SUMO3: variants seen among roughly 807,000 people sequenced by gnomAD.
SUMO3 encodes small ubiquitin-related modifier 3.
A neutral mutation model predicts 11.1 loss-of-function variants in SUMO3; 2 were observed. The ratio of observed to expected loss-of-function variants is 0.18; its 90% confidence interval spans 0.07 to 0.57. SUMO3 has a LOEUF of 0.57. Ranked by LOEUF, SUMO3 falls within the 20% of genes least tolerant of loss-of-function variation. The pLI is 0.92. For synonymous variants in SUMO3, 56 were observed against 53.5 expected (o/e 1.05, Z -0.20); for missense variants, 70 against 132.8 (o/e 0.53, Z 2.32).
At chr21:44,817,006 A>G in intron 1 of SUMO3, among the ~76,000 whole-genome samples, 1 of 100,680 alleles carries the variant, frequency 9.9e-6, no homozygotes, top group Admixed American at 1.1e-4. Context: ...GTGGGCGCAC[A>G]CTGGGGGACG....
At chr21:44,816,858 T>C (rs1474397771) in intron 1 of SUMO3, among the ~76,000 whole-genome samples, 2 of 22,284 alleles carry the variant, frequency 9.0e-5, no homozygotes, top group Non-Finnish European at 8.7e-5. Flanking sequence ...GCGCACACCG[T>C]GGGGCGTGAT....
intron 1 of SUMO3, among the ~76,000 whole-genome samples, chr21:44,817,581 G>A (rs2083253742): frequency 6.6e-6 from 1 of 151,928 alleles, no homozygotes; most frequent in Admixed American, 6.5e-5. Flanking sequence ...AGCACGCAAA[G>A]ACGCTTCGGG....
chr21:44,808,611 C>T, intron 3 of SUMO3: 1 of 1,367,900 alleles, frequency 7.3e-7, no homozygotes, highest in Non-Finnish European at 9.5e-7. Flanking sequence ...CTGCATGTGC[C>T]TGAGAGAAAC....
At position 44,807,073 on chromosome 21, in the gene SUMO3, G is replaced by A; in HGVS notation, c.223-33C>T. 6.2e-7 allele frequency: 1 copy of A among 1,610,064 alleles called. No individual in the cohort carries two copies. The highest frequency in any genetic ancestry group is 8.5e-7 in the Non-Finnish European group (1 of 1,177,636). On this transcript the variant is annotated intron_variant, in intron 3 of 3. Transcript: ENST00000332859. The surrounding 1 kb of genome is among the most constrained non-coding windows in gnomAD (Gnocchi z 4.3). ...GGTTGTCACAACAGGCACAGCGAGA[G>A]AGAGGGGAGCCTGTTAGTTTTCATC...
chr21:44,808,499 AG>A, intron 3 of SUMO3: 1 of 1,447,614 alleles, frequency 6.9e-7, no homozygotes, highest in Middle Eastern at 1.8e-4. Context: ...TGGGCAACAA[AG>A]CGAGACTCCG....
chr21:44,813,832 C>A (rs1487331937), intron 2 of SUMO3, 144 bp downstream of exon 2: 1 of 1,540,660 alleles, frequency 6.5e-7, no homozygotes, highest in South Asian at 1.2e-5. Flanking sequence ...ACAGCACAAG[C>A]CCCCGCCTGC....
chr21:44,810,070 A>G lies in SUMO3; in HGVS notation c.151-952T>C, dbSNP rs1248796219. ...GGCCTTGAGGAGGGCAGCAGGAAGG[A>G]GAGCACGCAGCCTTTCTGCGTCCTG... On this transcript the variant is annotated intron_variant, in intron 2 of 3. Coordinates refer to ENST00000332859, the MANE Select transcript of SUMO3 (RefSeq NM_006936.3). This position sits in a 1 kb window ranked among gnomAD's most constrained non-coding sequence, Gnocchi z 4.1. Among the ~76,000 whole-genome samples the G allele has an allele frequency of 6.6e-6, 1 of 152,208 alleles. No homozygotes were observed. Among genetic ancestry groups the G allele is most frequent in the Non-Finnish European group, 1.5e-5 (1 of 68,034 alleles).
rs912643381 is a variant in SUMO3, at chr21:44,810,630, C to T, written c.151-1512G>A. 4.9e-4 allele frequency among the ~76,000 whole-genome samples: 75 copies of T among 152,192 alleles called. 1 individual carries two copies. The highest frequency in any genetic ancestry group is 1.8e-3 in the African/African-American group (73 of 41,440). On this transcript the variant is annotated intron_variant, in intron 2 of 3. Coordinates refer to ENST00000332859, the MANE Select transcript of SUMO3 (RefSeq NM_006936.3). This position sits in a 1 kb window ranked among gnomAD's most constrained non-coding sequence, Gnocchi z 4.1. ...CCAGATGCGCCTCCAGGAGGCTGGC[C>T]GGAGCCTGGAGGACTCAACTCTCAA...
At chr21:44,812,053 C>CCTTT (rs755885948) in intron 2 of SUMO3, among the ~76,000 whole-genome samples, 4,893 of 81,186 alleles carry the variant, frequency 0.06, 189 homozygotes, top group South Asian at 0.086. Flanking sequence ...AACTTCTCAC[C>CCTTT]TTTTTTTTTT....
intron 2 of SUMO3, among the ~76,000 whole-genome samples, chr21:44,809,736 G>A (rs1354330104): frequency 6.6e-6 from 1 of 152,218 alleles, no homozygotes; most frequent in African/African-American, 2.4e-5. Context: ...CATTGGTGAT[G>A]TGCCAGGGGA....
intron 2 of SUMO3, among the ~76,000 whole-genome samples, chr21:44,812,651 G>A (rs1450671063): frequency 6.6e-6 from 1 of 152,224 alleles, no homozygotes; most frequent in Non-Finnish European, 1.5e-5. Context: ...CAAGTTTCTA[G>A]AAGGATTTGA....
intron 1 of SUMO3, among the ~76,000 whole-genome samples, chr21:44,815,435 C>T (rs570204425): frequency 6.6e-6 from 1 of 152,320 alleles, no homozygotes; most frequent in South Asian, 2.1e-4. Context: ...TTGGGCCAGA[C>T]ACCCCTGCCC....
In SUMO3 at chr21:44,812,921, T is replaced by C. The variant is rs148881367; in HGVS notation, c.150+1055A>G. 9.2e-4 allele frequency among the ~76,000 whole-genome samples: 140 copies of C among 152,350 alleles called. 1 individual carries two copies. In the East Asian group the frequency reaches 0.022, roughly 24 times the overall value. On this transcript the variant is annotated intron_variant, in intron 2 of 3. Coordinates refer to ENST00000332859, the MANE Select transcript of SUMO3 (RefSeq NM_006936.3). ...CAGGCAGAGGCTGGATCACGGGGCC[T>C]ACACGGCGCCAGGCCACTCACTCTG...
intron 2 of SUMO3, chr21:44,813,761 C>A: frequency 6.9e-7 from 1 of 1,444,866 alleles, no homozygotes; most frequent in African/African-American, 1.4e-5. Flanking sequence ...CTTCTCCGAG[C>A]CTCTAGGTCC....
chr21:44,806,981 C>T lies in SUMO3; in HGVS notation c.282G>A (p.Pro94=), dbSNP rs143802170. ...DVFQQQTGGV[P]ESSLAGHSF is the part of the protein sequence containing the mutation. ...AACTGTGCCCTGCCAGGCTGCTCTC[C>T]GGCACACCTCCCGTCTGCTGCTGGA... The change falls in exon 4 of 4, where the codon CCG becomes CCA. Residue 94 remains proline (P), a synonymous_variant. Transcript: ENST00000332859. 8.9e-5 allele frequency: 144 copies of T among 1,613,992 alleles called. No individual in the cohort carries two copies. Among genetic ancestry groups the T allele is most frequent in the Non-Finnish European group, 1.1e-4 (133 of 1,180,038 alleles).
intron 1 of SUMO3, among the ~76,000 whole-genome samples, chr21:44,814,757 G>A (rs746177399): frequency 6.6e-6 from 1 of 152,202 alleles, no homozygotes; most frequent in Non-Finnish European, 1.5e-5. Flanking sequence ...CAAATGTGAG[G>A]GAAGCCACCT....
rs1365017563 is a variant in SUMO3 at position 44,811,863 on chromosome 21, A to G, written c.150+2113T>C. Among the ~76,000 whole-genome samples the G allele has an allele frequency of 6.6e-6, 1 of 152,168 alleles. No homozygotes were observed. Among genetic ancestry groups the G allele is most frequent in the African/African-American group, 2.4e-5 (1 of 41,450 alleles). Reference sequence around the variant, plus strand: ...GGATACAAATTATCAGAGAACTAACATAAGGCATATTTCCTGAATAAAAAT... The same window carrying G: ...GGATACAAATTATCAGAGAACTAACGTAAGGCATATTTCCTGAATAAAAAT... On this transcript the variant is annotated intron_variant, in intron 2 of 3. Transcript: ENST00000332859. This position sits in a 1 kb window ranked among gnomAD's most constrained non-coding sequence, Gnocchi z 5.0.
intron 2 of SUMO3, chr21:44,813,630 T>G: frequency 1.7e-6 from 1 of 594,512 alleles, no homozygotes; most frequent in Non-Finnish European, 2.9e-6. Flanking sequence ...AGCCCCAGAA[T>G]GGCCAGACCT....
intron 2 of SUMO3, among the ~76,000 whole-genome samples, chr21:44,809,517 T>G (rs1428621114): frequency 1.3e-5 from 2 of 152,182 alleles, no homozygotes; most frequent in Non-Finnish European, 2.9e-5. Flanking sequence ...GATAGGTAAG[T>G]GGTCCATGGC....
Sources: gnomAD v4.1 joint callset for allele counts (sites outside exome capture counted in the v4.1 genomes callset) on GRCh38, gnomAD v4.1.1 for gene constraint, Gnocchi (gnomAD v3.1) non-coding constraint, MANE v1.5 for transcripts, NCBI Gene and HGNC (gene_info 2026-07-23, HGNC 2026-07-21) for gene names.